The following ZNF804B variants were observed in gnomAD, a reference collection of about 807,000 sequenced individuals.
ZNF804B encodes the protein zinc finger protein 804B, also known as zinc finger 804B.
In ZNF804B, 80 loss-of-function variants were observed where a neutral mutation model predicts 101.4. That is an observed-to-expected ratio of 0.79 (90% CI 0.66 to 0.95). The LOEUF (loss-of-function observed/expected upper bound fraction) is 0.95. Among genes scored for constraint, ZNF804B ranks in the 40% least tolerant of loss-of-function variants. ZNF804B has a pLI of 0.00. For synonymous variants in ZNF804B, 622 were observed against 558.8 expected, an observed-to-expected ratio of 1.11 and a Z score of -1.59; for missense variants, 1,673 against 1,561.9, an observed-to-expected ratio of 1.07 and a Z score of -1.20.
chr7:89,141,013 TA>T (rs1790708782), intron 1 of ZNF804B, among the ~76,000 whole-genome samples: 1 of 152,014 alleles, frequency 6.6e-6, no homozygotes, highest in Admixed American at 6.6e-5. Flanking sequence ...GTAGGATTAT[TA>T]ATTGGCCTAA....
chr7:88,816,585 C>T (rs903561373), intron 1 of ZNF804B, among the ~76,000 whole-genome samples: 2 of 151,038 alleles, frequency 1.3e-5, no homozygotes, highest in Admixed American at 6.6e-5. Flanking sequence ...TATGAACAGA[C>T]ACTTCTCAAA....
intron 1 of ZNF804B, among the ~76,000 whole-genome samples, chr7:88,809,993 T>C (rs1250674585): frequency 1.3e-5 from 2 of 152,220 alleles, no homozygotes; most frequent in Admixed American, 6.5e-5. Flanking sequence ...ACAGGTAATA[T>C]ACATTTCTTA....
intron 2 of ZNF804B, among the ~76,000 whole-genome samples, chr7:89,267,182 T>A (rs1789809967): frequency 6.6e-6 from 1 of 152,112 alleles, no homozygotes; most frequent in Non-Finnish European, 1.5e-5. Context: ...ACCCATTCCC[T>A]CAAAATATGA....
intron 1 of ZNF804B, among the ~76,000 whole-genome samples, chr7:89,052,778 T>C (rs983372192): frequency 1.3e-5 from 2 of 152,174 alleles, no homozygotes; most frequent in African/African-American, 2.4e-5. Flanking sequence ...TTTTCAGGCA[T>C]GTGGAATAAT....
chr7:89,153,376 G>A (rs1282797011), intron 1 of ZNF804B, among the ~76,000 whole-genome samples: 1 of 150,840 alleles, frequency 6.6e-6, no homozygotes, highest in African/African-American at 2.4e-5. Context: ...CGGTGAATCT[G>A]CTTCTTTTTC....
At chr7:88,766,341 G>A (rs1162139678) in intron 1 of ZNF804B, among the ~76,000 whole-genome samples, 2 of 152,026 alleles carry the variant, frequency 1.3e-5, no homozygotes. Flanking sequence ...ATAAAAGGGG[G>A]TTTTGATTTG....
chr7:89,029,970 A>T (rs1365915424), intron 1 of ZNF804B, among the ~76,000 whole-genome samples: 1 of 152,148 alleles, frequency 6.6e-6, no homozygotes, highest in Non-Finnish European at 1.5e-5. Context: ...TTATTTTGGG[A>T]ACAAAACAAC....
chr7:88,997,681 A>G (rs964083063), intron 1 of ZNF804B, among the ~76,000 whole-genome samples: 2 of 152,064 alleles, frequency 1.3e-5, no homozygotes, highest in Non-Finnish European at 2.9e-5. Flanking sequence ...AGAAAAAGTG[A>G]TAGGGCATAT....
At chr7:88,935,581 G>A (rs1194098055) in intron 1 of ZNF804B, among the ~76,000 whole-genome samples, 1 of 151,522 alleles carries the variant, frequency 6.6e-6, no homozygotes, top group Non-Finnish European at 1.5e-5. Flanking sequence ...TGTAGGGTGG[G>A]CACCTTCCAC....
chr7:88,891,992 A>G (rs1792221447), intron 1 of ZNF804B, among the ~76,000 whole-genome samples: 1 of 152,054 alleles, frequency 6.6e-6, no homozygotes, highest in Non-Finnish European at 1.5e-5. Context: ...AAATATTTTC[A>G]TGTGCAAATT....
At chr7:88,810,204 C>T (rs549982045) in intron 1 of ZNF804B, among the ~76,000 whole-genome samples, 17 of 152,020 alleles carry the variant, frequency 1.1e-4, no homozygotes, top group Non-Finnish European at 1.9e-4. Context: ...CTCACACAGT[C>T]ATGCTTTTTT....
intron 1 of ZNF804B, among the ~76,000 whole-genome samples, chr7:89,018,192 C>T (rs1215728163): frequency 2.6e-5 from 4 of 151,974 alleles, no homozygotes; most frequent in African/African-American, 4.8e-5. Flanking sequence ...TATGTTCCTT[C>T]TATATCCAGT....
intron 1 of ZNF804B, among the ~76,000 whole-genome samples, chr7:88,999,408 C>T (rs905687777): frequency 2.6e-5 from 4 of 151,986 alleles, no homozygotes; most frequent in Non-Finnish European, 5.9e-5. Flanking sequence ...AAATTGATTT[C>T]TTTCAACTGG....
intron 2 of ZNF804B, among the ~76,000 whole-genome samples, chr7:89,251,613 G>A (rs540131305): frequency 7.2e-4 from 110 of 152,008 alleles, no homozygotes; most frequent in Admixed American, 1.3e-3. Context: ...AATTCATATG[G>A]AACCATAAAA....
intron 1 of ZNF804B, among the ~76,000 whole-genome samples, chr7:89,188,343 G>A (rs536079841): frequency 6.6e-6 from 1 of 152,098 alleles, no homozygotes; most frequent in East Asian, 1.9e-4. Context: ...TAAGTGTTCT[G>A]ACTGCTTCAC....
chr7:88,873,135 T>C (rs1791865116), intron 1 of ZNF804B, among the ~76,000 whole-genome samples: 1 of 152,252 alleles, frequency 6.6e-6, no homozygotes, highest in African/African-American at 2.4e-5. Flanking sequence ...GCACCTGTTG[T>C]TTCCTGGCTT....
chr7:89,019,344 A>G (rs552082055), intron 1 of ZNF804B, among the ~76,000 whole-genome samples: 2 of 152,168 alleles, frequency 1.3e-5, no homozygotes, highest in Non-Finnish European at 2.9e-5. Flanking sequence ...TCTAAAACAT[A>G]CTTGATGTTA....
In ZNF804B at chr7:89,191,885, T is replaced by G. The variant is rs573539334; in HGVS notation, c.109-26270T>G. On this transcript the variant is annotated intron_variant, in intron 1 of 3. Transcript: ENST00000333190. The stretch of plus-strand genomic sequence containing the variant: ...GTTTTAGCAGTTCATCCCGTAAGAA[T>G]AGCTTACATGTTAAATTATACTTTG... Among the ~76,000 whole-genome samples the G allele has an allele frequency of 2.0e-5, 3 of 152,104 alleles. No homozygotes were observed. In the East Asian group the frequency reaches 5.8e-4, roughly 29 times the overall value.
chr7:88,817,247 G>A (rs534234424), intron 1 of ZNF804B, among the ~76,000 whole-genome samples: 4 of 152,154 alleles, frequency 2.6e-5, no homozygotes, highest in Non-Finnish European at 2.9e-5. Flanking sequence ...GGGGGGATGG[G>A]GGAGGGATAG....
Sources: gnomAD v4.1 joint callset for allele counts (sites outside exome capture counted in the v4.1 genomes callset) on GRCh38, gnomAD v4.1.1 for gene constraint, MANE v1.5 for transcripts, NCBI Gene and HGNC (gene_info 2026-07-23, HGNC 2026-07-21) for gene names.